Variants in PABPC4L observed in about 807,000 individuals in gnomAD.
PABPC4L encodes polyadenylate-binding protein 4-like.
For missense variants in PABPC4L, 452 were observed against 451.4 expected (o/e 1.00, Z -0.01); for synonymous variants, 169 against 164.1 (o/e 1.03, Z -0.23).
At chr4:134,133,230 T>C in the PABPC4L span, among the ~76,000 whole-genome samples, 1 of 136,976 alleles carries the variant, frequency 7.3e-6, no homozygotes, top group Non-Finnish European at 1.5e-5. Context: ...GTATATTAGA[T>C]ATTTAATATT....
At chr4:134,132,972 A>C in the PABPC4L span, among the ~76,000 whole-genome samples, 1 of 143,404 alleles carries the variant, frequency 7.0e-6, no homozygotes, top group South Asian at 2.1e-4. Flanking sequence ...AATATTATAT[A>C]TTATGTATAT....
chr4:134,125,327 T>C, the PABPC4L span, among the ~76,000 whole-genome samples: 1 of 152,044 alleles, frequency 6.6e-6, no homozygotes, highest in Non-Finnish European at 1.5e-5. Flanking sequence ...TTTTTATTAT[T>C]ATACTTTAAG....
chr4:134,039,345 G>C, the PABPC4L span, among the ~76,000 whole-genome samples: 7 of 152,014 alleles, frequency 4.6e-5, no homozygotes, highest in African/African-American at 1.7e-4. Context: ...AGGTCTGCTT[G>C]GTCCAAAGCT....
the PABPC4L span, among the ~76,000 whole-genome samples, chr4:134,117,113 G>C: frequency 0.31 from 47,244 of 150,676 alleles, 9,091 homozygotes; most frequent in East Asian, 0.94. Flanking sequence ...GTAGCTATTT[G>C]CATTTTCAAA....
At chr4:134,185,364 C>A in the PABPC4L span, among the ~76,000 whole-genome samples, 1 of 152,128 alleles carries the variant, frequency 6.6e-6, no homozygotes, top group Non-Finnish European at 1.5e-5. Flanking sequence ...TCATCCCTGG[C>A]ATGCAAGGCT....
At chr4:134,046,836 T>C in the PABPC4L span, among the ~76,000 whole-genome samples, 1 of 152,232 alleles carries the variant, frequency 6.6e-6, no homozygotes, top group Non-Finnish European at 1.5e-5. Flanking sequence ...AACACATGTT[T>C]CTGTGAGCAC....
At chr4:134,067,880 G>A in the PABPC4L span, among the ~76,000 whole-genome samples, 3 of 152,164 alleles carry the variant, frequency 2.0e-5, no homozygotes, top group South Asian at 4.2e-4. Flanking sequence ...TTGCATTGTG[G>A]TCTGAGAGTG....
At chr4:134,019,669 A>G in the PABPC4L span, among the ~76,000 whole-genome samples, 142 of 152,250 alleles carry the variant, frequency 9.3e-4, no homozygotes, top group African/African-American at 3.2e-3. Flanking sequence ...TCACTAAGGA[A>G]CAACTGCATA....
At chr4:134,058,571 G>T in the PABPC4L span, among the ~76,000 whole-genome samples, 1 of 151,938 alleles carries the variant, frequency 6.6e-6, no homozygotes, top group South Asian at 2.1e-4. Flanking sequence ...TTCTATTACA[G>T]CACATCATTT....
chr4:134,123,524 C>T, the PABPC4L span, among the ~76,000 whole-genome samples: 2 of 151,988 alleles, frequency 1.3e-5, no homozygotes, highest in East Asian at 3.9e-4. Context: ...CCATGAGCAT[C>T]GATTTAGTGG....
At chr4:133,990,734 A>C in the PABPC4L span, among the ~76,000 whole-genome samples, 1 of 151,650 alleles carries the variant, frequency 6.6e-6, no homozygotes, top group Admixed American at 6.6e-5. Flanking sequence ...AACATTGCCG[A>C]CCCCCCCAGT....
the PABPC4L span, among the ~76,000 whole-genome samples, chr4:134,144,426 T>A: frequency 6.6e-6 from 1 of 151,512 alleles, no homozygotes; most frequent in South Asian, 2.1e-4. Context: ...TTTTACAAAC[T>A]ACACTTTAAA....
chr4:134,177,715 A>T, the PABPC4L span, among the ~76,000 whole-genome samples: 623 of 152,216 alleles, frequency 4.1e-3, 8 homozygotes, highest in African/African-American at 0.014. Context: ...AAACATCCAG[A>T]TGTCAGAGCA....
At chr4:134,043,929 TC>T in the PABPC4L span, among the ~76,000 whole-genome samples, 11 of 151,634 alleles carry the variant, frequency 7.3e-5, no homozygotes, top group Non-Finnish European at 1.0e-4. Flanking sequence ...TGTGTGTGTG[TC>T]GACGGATGTC....
At chr4:134,189,094 A>G in the PABPC4L span, among the ~76,000 whole-genome samples, 4,374 of 152,160 alleles carry the variant, frequency 0.029, 214 homozygotes, top group African/African-American at 0.099. Flanking sequence ...CATCAAAGGC[A>G]TTCTTCATTT....
At chr4:134,018,925 C>CA in the PABPC4L span, among the ~76,000 whole-genome samples, 1 of 152,010 alleles carries the variant, frequency 6.6e-6, no homozygotes, top group Non-Finnish European at 1.5e-5. Context: ...ATTCTCCTTT[C>CA]AATATTTTAT....
chr4:134,086,245 G>T, the PABPC4L span, among the ~76,000 whole-genome samples: 44 of 151,438 alleles, frequency 2.9e-4, no homozygotes, highest in African/African-American at 1.0e-3. Context: ...TTCTTATTTG[G>T]ATTGTCTATC....
the PABPC4L span, among the ~76,000 whole-genome samples, chr4:134,069,468 T>C: frequency 6.6e-6 from 1 of 152,142 alleles, no homozygotes; most frequent in Non-Finnish European, 1.5e-5. Flanking sequence ...ATGACACACA[T>C]ATTTTGTCTC....
At chr4:134,168,542 A>G in the PABPC4L span, among the ~76,000 whole-genome samples, 3 of 152,000 alleles carry the variant, frequency 2.0e-5, no homozygotes, top group African/African-American at 7.2e-5. Context: ...TACGAAAAAA[A>G]GAGAGAATAC....
Sources: gnomAD v4.1 joint callset for allele counts (sites outside exome capture counted in the v4.1 genomes callset) on GRCh38, gnomAD v4.1.1 for gene constraint, MANE v1.5 for transcripts, NCBI Gene and HGNC (gene_info 2026-07-23, HGNC 2026-07-21) for gene names.